The following GCH1 variants were observed in gnomAD, a reference collection of about 807,000 sequenced individuals.
GCH1 encodes the protein GTP cyclohydrolase I.
In GCH1, 5 loss-of-function variants were observed where a neutral mutation model predicts 25.9. The observed-to-expected ratio is 0.19, with a 90% CI of 0.10 to 0.41. The LOEUF is 0.41. Ranked by LOEUF, GCH1 falls within the 10% of genes least tolerant of loss-of-function variation. The probability of loss-of-function intolerance (pLI) is 1.00; values close to 1 mark genes in which losing one functional copy is unlikely to be tolerated. For missense variants in GCH1, 261 were observed against 336.5 expected (o/e 0.78, Z 1.75); for synonymous variants, 159 against 129.6 (o/e 1.23, Z -1.54).
At chr14:54,879,352 C>G (rs10133449) in intron 1 of GCH1, among the ~76,000 whole-genome samples, 1 of 141,806 alleles carries the variant, frequency 7.1e-6, no homozygotes, top group Admixed American at 7.8e-5. Flanking sequence ...ACCTGGGAGG[C>G]GAAGGTTGCA....
At chr14:54,875,489 A>G (rs2140090667) in intron 1 of GCH1, among the ~76,000 whole-genome samples, 1 of 152,358 alleles carries the variant, frequency 6.6e-6, no homozygotes, top group East Asian at 1.9e-4. Flanking sequence ...TAATTAAACT[A>G]AAGAGCTTCT....
At chr14:54,893,506 G>A (rs543883165) in intron 1 of GCH1, among the ~76,000 whole-genome samples, 2 of 152,220 alleles carry the variant, frequency 1.3e-5, no homozygotes, top group South Asian at 2.1e-4. Context: ...ATACAAAAGC[G>A]GGGATAGGTG....
chr14:54,846,560 C>T (rs552720793), intron 4 of GCH1, among the ~76,000 whole-genome samples: 51 of 152,112 alleles, frequency 3.4e-4, no homozygotes, highest in African/African-American at 1.2e-3. Context: ...ATAAAATGAG[C>T]CCATTTTTGT....
chr14:54,875,690 A>G (rs1271223431), intron 1 of GCH1, among the ~76,000 whole-genome samples: 1 of 152,256 alleles, frequency 6.6e-6, no homozygotes, highest in Non-Finnish European at 1.5e-5. Context: ...TCTCAAGGAT[A>G]TGAACAGACA....
At chr14:54,885,483 TAG>T in intron 1 of GCH1, 1 of 279,838 alleles carries the variant, frequency 3.6e-6, no homozygotes, top group Non-Finnish European at 7.0e-6. Flanking sequence ...TAGATGCTTC[TAG>T]AAGCATAGCA....
chr14:54,871,262 C>T (rs1260428201), intron 1 of GCH1, among the ~76,000 whole-genome samples: 1 of 152,202 alleles, frequency 6.6e-6, no homozygotes, highest in African/African-American at 2.4e-5. Flanking sequence ...CTCCAGCAAA[C>T]TCCAACAGAC....
Position 54,845,748 on chromosome 14 carries a change from A to G in GCH1, c.626+20T>C, listed in dbSNP as rs775439923. ...TCTAGTGCACCATTATGACGTTACT[A>G]AAGGCAGATGCAGACTTACGTTGCT... On this transcript the variant is annotated intron_variant, in intron 5 of 5. Transcript: ENST00000491895. 5.0e-5 allele frequency: 69 copies of G among 1,383,050 alleles called. No homozygotes were observed. Among genetic ancestry groups the G allele is most frequent in the Non-Finnish European group, 6.3e-5 (61 of 968,900 alleles). The allele number at this position is 1,383,050 out of a possible 1,614,324, so 85.7% of individuals were successfully genotyped here. A position where few individuals can be genotyped will look rare whatever the true frequency, so the allele number is the denominator to read the frequency against.
intron 5 of GCH1, among the ~76,000 whole-genome samples, chr14:54,845,192 C>T (rs1318335928): frequency 6.7e-6 from 1 of 150,250 alleles, no homozygotes; most frequent in Non-Finnish European, 1.5e-5. Context: ...TAAAAAATGG[C>T]GATTGAGCTG....
At chr14:54,873,764 G>A (rs947442137) in intron 1 of GCH1, among the ~76,000 whole-genome samples, 1 of 152,028 alleles carries the variant, frequency 6.6e-6, no homozygotes, top group Non-Finnish European at 1.5e-5. Flanking sequence ...ATAAATTCCT[G>A]GACACACACA....
At chr14:54,860,699 C>A (rs1360237612) in intron 2 of GCH1, among the ~76,000 whole-genome samples, 1 of 152,124 alleles carries the variant, frequency 6.6e-6, no homozygotes, top group Non-Finnish European at 1.5e-5. Context: ...TGCCACCACA[C>A]CCAGCTAATT....
intron 1 of GCH1, among the ~76,000 whole-genome samples, chr14:54,870,033 A>G (rs2183081): frequency 0.45 from 68,411 of 151,918 alleles, 17,097 homozygotes; most frequent in African/African-American, 0.67. Flanking sequence ...TAGGAGAGAG[A>G]ACTTCACTGC....
intron 1 of GCH1, among the ~76,000 whole-genome samples, chr14:54,895,993 A>T (rs767579970): frequency 6.6e-6 from 1 of 152,266 alleles, no homozygotes; most frequent in Non-Finnish European, 1.5e-5. Flanking sequence ...GCTGCAACGT[A>T]GGGAAAACTG....
Position 54,902,356 on chromosome 14 carries a change from T to C in GCH1, c.308A>G (p.Gln103Arg), listed in dbSNP as rs2040580136. ...KTPWRAASAMQFFTKGYQETI... is the reference protein window; with the variant it reads ...KTPWRAASAMRFFTKGYQETI... ...CTCCTGGTAGCCCTTGGTGAAGAAC[T>C]GCATGGCCGAGGCCGCCCTCCAGGG... Residue 103 changes from glutamine to arginine, a missense_variant, in exon 1 of 6, where the codon CAG becomes CGG. Physicochemically the swap from Gln to Arg is conservative, Grantham distance 43 (BLOSUM62 1). Coordinates refer to ENST00000491895, the MANE Select transcript of GCH1 (RefSeq NM_000161.3). The C allele has an allele frequency of 6.2e-7, 1 of 1,612,820 alleles. No homozygotes were observed. The highest frequency in any genetic ancestry group is 1.7e-5 in the Admixed American group (1 of 60,000).
At chr14:54,875,337 C>G (rs1168870169) in intron 1 of GCH1, among the ~76,000 whole-genome samples, 1 of 152,064 alleles carries the variant, frequency 6.6e-6, no homozygotes, top group Non-Finnish European at 1.5e-5. Flanking sequence ...ATGGATTAAA[C>G]ACTTAAACGT....
chr14:54,874,211 C>G (rs1339252759), intron 1 of GCH1, among the ~76,000 whole-genome samples: 1 of 152,170 alleles, frequency 6.6e-6, no homozygotes, highest in African/African-American at 2.4e-5. Flanking sequence ...TAAATGTAAT[C>G]CAGCATATAA....
At position 54,902,733 on chromosome 14, in the gene GCH1, C is replaced by G; in HGVS notation, c.-70G>C. ...TTCGAGGTCTGCGGCTAAACTCCGCCGGTGGCCGCGGACAATGGGCTGTGG... is the reference window on the plus strand; with the variant it reads ...TTCGAGGTCTGCGGCTAAACTCCGCGGGTGGCCGCGGACAATGGGCTGTGG... On this transcript the variant is annotated 5_prime_UTR_variant, in exon 1 of 6. Transcript: ENST00000491895. 1 of 1,386,470 alleles carries G rather than the reference C, an allele frequency of 7.2e-7. No individual in the cohort carries two copies. Among genetic ancestry groups the G allele is most frequent in the Non-Finnish European group, 9.3e-7 (1 of 1,074,778 alleles). 85.9% of individuals were successfully genotyped at this position (1,386,470 alleles called of 1,614,324 possible). A position where few individuals can be genotyped will look rare whatever the true frequency, so the allele number is the denominator to read the frequency against.
chr14:54,865,372 G>A lies in GCH1; in HGVS notation c.408C>T (p.Asp136=), dbSNP rs753357224. 1.0e-5 allele frequency: 16 copies of A among 1,591,084 alleles called. No individual in the cohort carries two copies. The highest frequency in any genetic ancestry group is 1.3e-5 in the Non-Finnish European group (15 of 1,159,530). The change falls in exon 2 of 6, where the codon GAC becomes GAT. Residue 136 remains aspartate, a synonymous_variant. Coordinates refer to ENST00000491895, the MANE Select transcript of GCH1 (RefSeq NM_000161.3). ...AGTGATGCTCACACATGGAAAACATGTCTATGTCCTTCACAATCACCATCT... is the reference window on the plus strand; with the variant it reads ...AGTGATGCTCACACATGGAAAACATATCTATGTCCTTCACAATCACCATCT... ...HDEMVIVKDI[D]MFSMCEHHLV...
chr14:54,881,177 T>A (rs1392295226), intron 1 of GCH1, among the ~76,000 whole-genome samples: 1 of 151,902 alleles, frequency 6.6e-6, no homozygotes, highest in Non-Finnish European at 1.5e-5. Flanking sequence ...GGCATTTGTT[T>A]TTTCTATAAA....
intron 1 of GCH1, among the ~76,000 whole-genome samples, chr14:54,883,371 C>CAAAAA (rs59191993): frequency 1.8e-5 from 1 of 55,218 alleles, no homozygotes; most frequent in Non-Finnish European, 3.5e-5. Context: ...GACTCCGACT[C>CAAAAA]AAAAAAAAAA....
Sources: allele counts gnomAD v4.1 joint callset (sites outside exome capture counted in the v4.1 genomes callset), GRCh38; gene constraint gnomAD v4.1.1; transcripts MANE v1.5; gene names NCBI Gene and HGNC (gene_info 2026-07-23, HGNC 2026-07-21).